C5: variants seen among roughly 807,000 people sequenced by gnomAD.
C5 encodes the protein C3 and PZP-like alpha-2-macroglobulin domain-containing protein 4.
In C5, 140 loss-of-function variants were observed where a neutral mutation model predicts 218.8. The ratio of observed to expected loss-of-function variants is 0.64; its 90% CI spans 0.56 to 0.74. The LOEUF (loss-of-function observed/expected upper bound fraction) is 0.74, where lower values mean the gene tolerates loss of function less well. C5 is among the 30% of genes least tolerant of loss of function. The probability of loss-of-function intolerance (pLI) is 0.00; values close to 1 mark genes in which losing one functional copy is unlikely to be tolerated. For synonymous variants in C5, 614 were observed against 682.3 expected, an observed-to-expected ratio of 0.90 and a Z score of 1.56; for missense variants, 1,700 against 1,969.6, an observed-to-expected ratio of 0.86 and a Z score of 2.59.
rs1319738933 is a variant in C5, at chr9:120,966,334, C to CT, written c.4221-2597dup. Among the ~76,000 whole-genome samples, 3 of 152,192 alleles carry CT rather than the reference C, an allele frequency of 2.0e-5. No individual in the cohort carries two copies. The East Asian group carries it at 5.8e-4, about 29-fold the overall frequency. ...CAAATGAATGAATTTTTGATAACAG[C>CT]TTTTTTCTGTACGGCAGAATTGTGG... On this transcript the variant is annotated intron_variant, in intron 33 of 40. Coordinates refer to ENST00000223642, the MANE Select transcript of C5 (RefSeq NM_001735.3).
upstream of C5, among the ~76,000 whole-genome samples, chr9:121,054,918 G>A (rs866527902): frequency 2.0e-5 from 3 of 152,014 alleles, no homozygotes; most frequent in Non-Finnish European, 1.5e-5. Context: ...TGATTCTCTC[G>A]GAGGGCTGCT....
At position 121,023,525 on chromosome 9, in the gene C5, G is replaced by A. The variant is rs577620735; in HGVS notation, c.1001-6C>T. The A allele has an allele frequency of 2.2e-4, 330 of 1,519,400 alleles. No individual in the cohort carries two copies. In the South Asian group the frequency reaches 3.5e-3, roughly 16 times the overall value. 94.1% of individuals were successfully genotyped at this position (1,519,400 alleles called of 1,614,324 possible). A position where few individuals can be genotyped will look rare whatever the true frequency, so the allele number is the denominator to read the frequency against. On this transcript the variant is annotated splice_region_variant and splice_polypyrimidine_tract_variant and intron_variant, in intron 9 of 40. Transcript: ENST00000223642. ...TGCCTCTTCAGAAAATCCACCTAAGGAAATGGCAAGCATCATGTTGACAGT... is the reference window on the plus strand; with the variant it reads ...TGCCTCTTCAGAAAATCCACCTAAGAAAATGGCAAGCATCATGTTGACAGT...
At chr9:121,002,222 A>ATGTATATATACG (rs71370612) in intron 20 of C5, among the ~76,000 whole-genome samples, 1 of 85,298 alleles carries the variant, frequency 1.2e-5, no homozygotes, top group African/African-American at 3.0e-5. Context: ...ATACGTATAT[A>ATGTATATATACG]TATATATGTA....
At chr9:120,998,982 G>C (rs937524688) in intron 20 of C5, among the ~76,000 whole-genome samples, 1 of 152,166 alleles carries the variant, frequency 6.6e-6, no homozygotes, top group Non-Finnish European at 1.5e-5. Flanking sequence ...ACCAGGGTGG[G>C]AGAAGCCAGA....
At chr9:121,052,185 G>A (rs574817031), upstream of C5, among the ~76,000 whole-genome samples, 2 of 152,076 alleles carry the variant, frequency 1.3e-5, no homozygotes, top group East Asian at 1.9e-4. Flanking sequence ...GGCTGGGCAC[G>A]CTGGCTCACA....
upstream of C5, chr9:121,050,308 A>C: frequency 2.3e-6 from 3 of 1,286,520 alleles, no homozygotes; most frequent in Non-Finnish European, 3.4e-6. Flanking sequence ...TTTTAAATAA[A>C]CTGAACTTGA....
chr9:120,994,470 C>G (rs1296155412), intron 22 of C5, among the ~76,000 whole-genome samples: 33 of 151,980 alleles, frequency 2.2e-4, no homozygotes, highest in Admixed American at 2.2e-3. Flanking sequence ...GTAATCCCAG[C>G]TATTCCAGAG....
At position 121,046,398 on chromosome 9, in the gene C5, A is replaced by T; in HGVS notation, c.66-15T>A. 2.5e-6 allele frequency: 4 copies of T among 1,576,046 alleles called. No individual in the cohort carries two copies. Among genetic ancestry groups the T allele is most frequent in the Non-Finnish European group, 3.5e-6 (4 of 1,145,918 alleles). On this transcript the variant is annotated splice_polypyrimidine_tract_variant and intron_variant, in intron 1 of 40. Transcript: ENST00000223642. ...AAATGACATATCTGTTGAAAAAGGA[A>T]AAGATAAGGCTCAATGTCTTTATAT...
At chr9:121,025,616 A>G in intron 8 of C5, 36 bp from the exon 9 acceptor site, 3 of 1,597,976 alleles carry the variant, frequency 1.9e-6, no homozygotes, top group Non-Finnish European at 2.6e-6. Context: ...GTTATTTCGG[A>G]GAAGAACTTA....
At position 121,019,981 on chromosome 9, in the gene C5, A is replaced by G; in HGVS notation, c.1501T>C (p.Tyr501His). Residue 501 changes from tyrosine (Y) to histidine (H), a missense_variant, in exon 12 of 41, where the codon TAC becomes CAC. Coordinates refer to ENST00000223642, the MANE Select transcript of C5 (RefSeq NM_001735.3). Reference protein sequence around the residue: ...PYIDKITHYNYLILSKGKIIH... With the variant: ...PYIDKITHYNHLILSKGKIIH... ...ATCCATCATTATGTACTTACCAAGTAATTATAGTGAGTTATTTTGTCAATA... is the reference window on the plus strand; with the variant it reads ...ATCCATCATTATGTACTTACCAAGTGATTATAGTGAGTTATTTTGTCAATA... 1 of 1,573,004 alleles carries G rather than the reference A, an allele frequency of 6.4e-7. No individual in the cohort carries two copies. Among genetic ancestry groups the G allele is most frequent in the Non-Finnish European group, 8.8e-7 (1 of 1,142,736 alleles).
At chr9:121,022,797 A>G (rs1217574968) in intron 10 of C5, among the ~76,000 whole-genome samples, 1 of 151,934 alleles carries the variant, frequency 6.6e-6, no homozygotes, top group Non-Finnish European at 1.5e-5. Flanking sequence ...GTCAGCATTT[A>G]GAGGAGGAAA....
chr9:121,040,608 A>G (rs1450290510), intron 3 of C5, among the ~76,000 whole-genome samples: 1 of 152,258 alleles, frequency 6.6e-6, no homozygotes, highest in Non-Finnish European at 1.5e-5. Context: ...ATAATAATGG[A>G]AAACACTTTC....
intron 7 of C5, among the ~76,000 whole-genome samples, chr9:121,027,581 C>T (rs1438249221): frequency 6.6e-6 from 1 of 152,104 alleles, no homozygotes; most frequent in African/African-American, 2.4e-5. Flanking sequence ...CTGACAAAAA[C>T]AAGAAATGGG....
At chr9:120,968,901 G>A (rs1290483579) in intron 33 of C5, among the ~76,000 whole-genome samples, 160 bp downstream of exon 33, 1 of 152,130 alleles carries the variant, frequency 6.6e-6, no homozygotes, top group African/African-American at 2.4e-5. Context: ...GTTTTTTATG[G>A]TAAGTAGCAA....
chr9:120,967,267 A>G (rs1248195154), intron 33 of C5, among the ~76,000 whole-genome samples: 1 of 151,912 alleles, frequency 6.6e-6, no homozygotes, highest in Non-Finnish European at 1.5e-5. Context: ...CTCAAAAAAA[A>G]AAAAAAAAAA....
In C5 at chr9:120,957,330, C is replaced by A. The variant is rs959413833; in HGVS notation, c.4717G>T (p.Val1573Phe). ...VSITSITVEN[V>F]FVKYKATLLD... is the part of the protein sequence containing the mutation. ...AGGGTTGCCTTGTACTTGACAAAAA[C>A]ATTTTCTACAGTGATGGATGTGATG... The change falls in exon 39 of 41, where the codon GTT (valine) becomes TTT (phenylalanine). Residue 1573 changes from valine to phenylalanine, a missense_variant. Coordinates refer to ENST00000223642, the MANE Select transcript of C5 (RefSeq NM_001735.3). 3 of 1,613,252 alleles carry A rather than the reference C, an allele frequency of 1.9e-6. No homozygotes were observed. The highest frequency in any genetic ancestry group is 2.5e-6 in the Non-Finnish European group (3 of 1,179,440).
intron 20 of C5, chr9:120,999,733 G>T (rs1434243193): frequency 4.3e-6 from 1 of 232,826 alleles, no homozygotes; most frequent in Non-Finnish European, 8.7e-6. Context: ...TAGATAAAAA[G>T]AAATAGGAAA....
intron 22 of C5, among the ~76,000 whole-genome samples, chr9:120,992,079 G>A (rs1480594342): frequency 6.6e-6 from 1 of 152,206 alleles, no homozygotes; most frequent in African/African-American, 2.4e-5. Flanking sequence ...GTCCTGCTAA[G>A]AAAGCACTCT....
At chr9:120,976,612 T>C (rs917622142) in intron 29 of C5, 88 bp downstream of exon 29, 2 of 1,049,844 alleles carry the variant, frequency 1.9e-6, no homozygotes, top group Non-Finnish European at 3.0e-6. Context: ...GCTCATTTGG[T>C]GGACAAAGGC....
Sources: gnomAD v4.1 joint callset for allele counts (sites outside exome capture counted in the v4.1 genomes callset) on GRCh38, gnomAD v4.1.1 for gene constraint, MANE v1.5 for transcripts, NCBI Gene and HGNC (gene_info 2026-07-23, HGNC 2026-07-21) for gene names.